Variants in RANBP2 observed in about 807,000 individuals in gnomAD.
The protein encoded by RANBP2 is RAN binding protein 2.
A neutral mutation model predicts 303.6 loss-of-function variants in RANBP2; 57 were observed. That is an observed-to-expected ratio of 0.19 (90% confidence interval 0.15 to 0.23). The LOEUF is 0.23. Ranked by LOEUF, RANBP2 falls within the 10% of genes least tolerant of loss-of-function variation. The pLI, the probability that RANBP2 is intolerant of heterozygous loss-of-function variation, is 1.00. For missense variants in RANBP2, 3,138 were observed against 3,780.8 expected, an observed-to-expected ratio of 0.83 and a Z score of 4.46; for synonymous variants, 1,167 against 1,301.5, an observed-to-expected ratio of 0.90 and a Z score of 2.23.
the RANBP2 span, among the ~76,000 whole-genome samples, chr2:109,298,569 T>C: frequency 1.3e-5 from 2 of 152,066 alleles, no homozygotes; most frequent in Non-Finnish European, 2.9e-5. Context: ...CTGCCAGCCC[T>C]GCAGGAGGAT....
At chr2:108,770,225 G>A (rs1677402316) in intron 20 of RANBP2, among the ~76,000 whole-genome samples, 1 of 152,138 alleles carries the variant, frequency 6.6e-6, no homozygotes, top group Admixed American at 6.6e-5. Context: ...TTAGACATGA[G>A]TAAACTGAGG....
At position 108,730,819 on chromosome 2, in the gene RANBP2, T is replaced by C. The variant is rs763322964; in HGVS notation, c.186T>C (p.Ala62=). 2 of 1,611,654 alleles carry C rather than the reference T, an allele frequency of 1.2e-6. No individual in the cohort carries two copies. The highest frequency in any genetic ancestry group is 2.2e-5 in the South Asian group (2 of 90,986). The change falls in exon 3 of 29, where the codon GCT becomes GCC. Residue 62 remains alanine (A), a synonymous_variant. Transcript: ENST00000283195. ...ATGTGCAAGAGAGGGATCCCAAAGC[T>C]CACAGATTTCTGGGTCTTCTTTATG... ...YINVQERDPK[A]HRFLGLLYEL... is the part of the protein sequence containing the mutation.
chr2:109,237,908 A>T, the RANBP2 span, among the ~76,000 whole-genome samples: 1 of 152,388 alleles, frequency 6.6e-6, no homozygotes, highest in South Asian at 2.1e-4. Context: ...GCTATGGTAT[A>T]TAAATTAACT....
chr2:109,367,217 G>A, the RANBP2 span, among the ~76,000 whole-genome samples: 1 of 150,522 alleles, frequency 6.6e-6, no homozygotes, highest in African/African-American at 2.5e-5. Context: ...GCCTACTTCG[G>A]CCTACCAAAG....
chr2:109,067,150 G>T, the RANBP2 span, among the ~76,000 whole-genome samples: 1 of 152,142 alleles, frequency 6.6e-6, no homozygotes, highest in African/African-American at 2.4e-5. Context: ...GCCAGCCTGG[G>T]TCGGCTTGTT....
the RANBP2 span, among the ~76,000 whole-genome samples, chr2:109,412,361 G>T: frequency 6.6e-6 from 1 of 152,272 alleles, no homozygotes; most frequent in Non-Finnish European, 1.5e-5. Flanking sequence ...CACCCTCCCA[G>T]TGTGGCCCCA....
the RANBP2 span, among the ~76,000 whole-genome samples, chr2:109,583,641 T>C: frequency 3.3e-5 from 5 of 152,138 alleles, no homozygotes; most frequent in African/African-American, 1.2e-4. Context: ...ACTTGGAATA[T>C]ATCCAAAAGA....
At chr2:108,771,327 C>G (rs1242886884) in intron 20 of RANBP2, among the ~76,000 whole-genome samples, 1 of 151,888 alleles carries the variant, frequency 6.6e-6, no homozygotes, top group East Asian at 1.9e-4. Flanking sequence ...TCAATTGCTG[C>G]AAATGCATGG....
the RANBP2 span, among the ~76,000 whole-genome samples, chr2:108,942,101 G>C: frequency 1.3e-5 from 2 of 152,230 alleles, no homozygotes; most frequent in Non-Finnish European, 2.9e-5. Flanking sequence ...GTGTGTGCTG[G>C]GGGCAGAGGC....
At chr2:109,461,160 C>G in the RANBP2 span, among the ~76,000 whole-genome samples, 1 of 152,252 alleles carries the variant, frequency 6.6e-6, no homozygotes, top group South Asian at 2.1e-4. Flanking sequence ...TGTGTCCACC[C>G]TTCCATTTGG....
the RANBP2 span, among the ~76,000 whole-genome samples, chr2:108,990,245 C>A: frequency 6.6e-6 from 1 of 151,730 alleles, no homozygotes; most frequent in Admixed American, 6.6e-5. Flanking sequence ...TCCTGGCTAA[C>A]AAGGTGAAAC....
the RANBP2 span, among the ~76,000 whole-genome samples, chr2:109,460,797 A>G: frequency 1.3e-5 from 2 of 152,238 alleles, no homozygotes; most frequent in African/African-American, 4.8e-5. Context: ...ATCATTAAAC[A>G]ATCACACTTC....
the RANBP2 span, among the ~76,000 whole-genome samples, chr2:109,302,638 G>A: frequency 1.3e-3 from 193 of 152,318 alleles, 1 homozygote; most frequent in African/African-American, 4.4e-3. Flanking sequence ...AGCCCAGGCC[G>A]CCAGGTCTGG....
chr2:108,820,262 T>C, the RANBP2 span, among the ~76,000 whole-genome samples: 1 of 151,790 alleles, frequency 6.6e-6, no homozygotes, highest in Non-Finnish European at 1.5e-5. Context: ...TCTAACAAAA[T>C]AATAAAATTA....
At chr2:109,204,917 A>T in the RANBP2 span, among the ~76,000 whole-genome samples, 1 of 152,232 alleles carries the variant, frequency 6.6e-6, no homozygotes, top group African/African-American at 2.4e-5. Context: ...CTTTTAAAGT[A>T]GAGCAACTGG....
chr2:109,064,455 C>T, the RANBP2 span, among the ~76,000 whole-genome samples: 2 of 65,938 alleles, frequency 3.0e-5, no homozygotes, highest in South Asian at 7.4e-4. Flanking sequence ...GACTCTGTCT[C>T]AAAAAAAAAA....
At chr2:109,727,145 C>G in the RANBP2 span, among the ~76,000 whole-genome samples, 1 of 152,256 alleles carries the variant, frequency 6.6e-6, no homozygotes, top group East Asian at 1.9e-4. Context: ...ATACCTCCCT[C>G]GAAATCAACT....
At chr2:109,337,769 C>T in the RANBP2 span, among the ~76,000 whole-genome samples, 5 of 151,894 alleles carry the variant, frequency 3.3e-5, no homozygotes, top group South Asian at 6.3e-4. Context: ...ACTCTGTCAC[C>T]CAAACTGGAC....
At chr2:109,066,152 A>G in the RANBP2 span, among the ~76,000 whole-genome samples, 1 of 150,540 alleles carries the variant, frequency 6.6e-6, no homozygotes, top group African/African-American at 2.5e-5. Context: ...TCTGTCCCCC[A>G]GGCTGGAGTG....
Sources: allele counts gnomAD v4.1 joint callset (sites outside exome capture counted in the v4.1 genomes callset), GRCh38; gene constraint gnomAD v4.1.1; transcripts MANE v1.5; gene names NCBI Gene and HGNC (gene_info 2026-07-23, HGNC 2026-07-21).